PLPPR4: variants seen among roughly 807,000 people sequenced by gnomAD.
PLPPR4 encodes phospholipid phosphatase related 4.
Under a neutral mutation model 56.6 loss-of-function variants are expected in PLPPR4, and 24 were observed. That is an observed-to-expected ratio of 0.42 (90% CI 0.31 to 0.60). The LOEUF (loss-of-function observed/expected upper bound fraction) is 0.60. PLPPR4 is among the 20% of genes least tolerant of loss of function. PLPPR4 has a pLI of 0.13. For missense variants in PLPPR4, 654 were observed against 885.8 expected (o/e 0.74, Z 3.32); for synonymous variants, 326 against 328.1 (o/e 0.99, Z 0.07).
At position 99,301,876 on chromosome 1, in the gene PLPPR4, A is replaced by T; in HGVS notation, c.801A>T (p.Gly267=). ...PVDVYCGFLI[G]GGIALYLGLY... is the part of the protein sequence containing the mutation. ...ATGTCTATTGTGGCTTTTTAATAGG[A>T]GGAGGAATTGCACTGTACTTGGTAA... Residue 267 remains glycine (G), a synonymous_variant, in exon 6 of 7, where the codon GGA becomes GGT. Coordinates refer to ENST00000370185, the MANE Select transcript of PLPPR4 (RefSeq NM_014839.5). The T allele has an allele frequency of 6.2e-7, 1 of 1,611,128 alleles. No individual in the cohort carries two copies. Among genetic ancestry groups the T allele is most frequent in the Non-Finnish European group, 8.5e-7 (1 of 1,178,054 alleles).
chr1:99,291,139 C>G (rs1377353951), intron 2 of PLPPR4, among the ~76,000 whole-genome samples: 1 of 150,454 alleles, frequency 6.6e-6, no homozygotes, highest in East Asian at 1.9e-4. Flanking sequence ...CATGAACAGA[C>G]ACTTCTCAAA....
intron 1 of PLPPR4, among the ~76,000 whole-genome samples, chr1:99,277,651 C>T (rs1032005328): frequency 6.6e-6 from 1 of 152,008 alleles, no homozygotes; most frequent in Non-Finnish European, 1.5e-5. Context: ...ACTAAAGCTT[C>T]ATCATAAATT....
chr1:99,280,183 A>C (rs958852712), intron 1 of PLPPR4, among the ~76,000 whole-genome samples: 6 of 152,130 alleles, frequency 3.9e-5, no homozygotes, highest in Admixed American at 1.3e-4. Flanking sequence ...TGAGCAAAGA[A>C]TTTTGAGCAT....
intron 2 of PLPPR4, 62 bp from the exon 3 acceptor site, chr1:99,296,676 T>C: frequency 6.5e-6 from 9 of 1,387,796 alleles, no homozygotes; most frequent in Non-Finnish European, 8.8e-6. Flanking sequence ...AATTCCTTTA[T>C]ACCTGTTGGC....
intron 1 of PLPPR4, among the ~76,000 whole-genome samples, chr1:99,282,519 C>G (rs1454903375): frequency 6.6e-6 from 1 of 152,120 alleles, no homozygotes; most frequent in African/African-American, 2.4e-5. Flanking sequence ...GAGTTTTGAA[C>G]AGCCTTCTAA....
At chr1:99,276,693 A>G (rs983250194) in intron 1 of PLPPR4, among the ~76,000 whole-genome samples, 3 of 152,186 alleles carry the variant, frequency 2.0e-5, no homozygotes, top group African/African-American at 7.2e-5. Context: ...AGTTCAAGAT[A>G]GTTTAGTAAG....
At chr1:99,286,779 G>A (rs919686174) in intron 1 of PLPPR4, among the ~76,000 whole-genome samples, 2 of 152,148 alleles carry the variant, frequency 1.3e-5, no homozygotes, top group Non-Finnish European at 2.9e-5. Flanking sequence ...TGGTGAAAAC[G>A]TAGTACAAGA....
intron 1 of PLPPR4, among the ~76,000 whole-genome samples, chr1:99,274,906 C>T (rs920064800): frequency 2.0e-5 from 3 of 152,090 alleles, no homozygotes; most frequent in Non-Finnish European, 4.4e-5. Context: ...CTCAACTGAG[C>T]CATCTGTGAA....
intron 2 of PLPPR4, among the ~76,000 whole-genome samples, chr1:99,288,778 A>C (rs940040290): frequency 6.6e-6 from 1 of 152,282 alleles, no homozygotes; most frequent in African/African-American, 2.4e-5. Flanking sequence ...AAATGTTCCT[A>C]GCATAAAGAA....
intron 1 of PLPPR4, among the ~76,000 whole-genome samples, chr1:99,281,660 G>A (rs1396807687): frequency 1.3e-5 from 2 of 152,048 alleles, no homozygotes; most frequent in Non-Finnish European, 2.9e-5. Context: ...CCCTCACCAC[G>A]TGTGTGTTGA....
chr1:99,305,530 C>T (rs1309192960), intron 6 of PLPPR4, among the ~76,000 whole-genome samples, 155 bp from the exon 7 acceptor site: 1 of 152,158 alleles, frequency 6.6e-6, no homozygotes, highest in Non-Finnish European at 1.5e-5. Flanking sequence ...CAAAGTATTT[C>T]CCTGCAAAAA....
chr1:99,284,287 T>C (rs1259276471), intron 1 of PLPPR4, among the ~76,000 whole-genome samples: 1 of 152,186 alleles, frequency 6.6e-6, no homozygotes, highest in South Asian at 2.1e-4. Context: ...ATTCATTACA[T>C]TGGGTAGTAA....
intron 2 of PLPPR4, among the ~76,000 whole-genome samples, chr1:99,289,928 A>T (rs889911657): frequency 6.6e-6 from 1 of 152,126 alleles, no homozygotes; most frequent in Non-Finnish European, 1.5e-5. Flanking sequence ...CCTAGTATTA[A>T]ATTCTGGCCA....
Position 99,301,802 on chromosome 1 carries a change from A to G in PLPPR4, c.727A>G (p.Ile243Val). ...LLVFTFIICG[I>V]ICGLTRITQY... ...GGTCTTCACATTTATCATCTGTGGA[A>G]TAATCTGCGGGCTAACACGGATAAC... is the stretch of plus-strand genomic sequence containing the variant. The change falls in exon 6 of 7, where the codon ATA becomes GTA. Residue 243 changes from isoleucine (I) to valine (V), a missense_variant. Transcript: ENST00000370185. The G allele has an allele frequency of 1.2e-6, 2 of 1,612,754 alleles. No homozygotes were observed. The highest frequency in any genetic ancestry group is 2.2e-5 in the South Asian group (2 of 90,972).
chr1:99,267,966 T>C (rs1165630875), intron 1 of PLPPR4, among the ~76,000 whole-genome samples: 1 of 152,128 alleles, frequency 6.6e-6, no homozygotes, highest in African/African-American at 2.4e-5. Flanking sequence ...AAGAGGCCAT[T>C]ATTATCTGTG....
In PLPPR4 at chr1:99,305,296, A is replaced by G. The variant is rs1451479579; in HGVS notation, c.823-389A>G. Among the ~76,000 whole-genome samples, 4 of 152,328 alleles carry G rather than the reference A, an allele frequency of 2.6e-5. No individual in the cohort carries two copies. In the East Asian group the frequency reaches 7.7e-4, roughly 29 times the overall value. ...CATATGATTGAAAATGGAAGGTAAAATAAATCATTTAAGCCATTTGAGATG... is the reference window on the plus strand; with the variant it reads ...CATATGATTGAAAATGGAAGGTAAAGTAAATCATTTAAGCCATTTGAGATG... On this transcript the variant is annotated intron_variant, in intron 6 of 6. Transcript: ENST00000370185.
At chr1:99,270,335 A>G (rs928015571) in intron 1 of PLPPR4, among the ~76,000 whole-genome samples, 2 of 152,094 alleles carry the variant, frequency 1.3e-5, no homozygotes, top group African/African-American at 4.8e-5. Flanking sequence ...CTACTCAGAA[A>G]GTTTTCATTA....
chr1:99,266,371 C>T (rs1256552649), intron 1 of PLPPR4, among the ~76,000 whole-genome samples: 1 of 152,192 alleles, frequency 6.6e-6, no homozygotes, highest in Non-Finnish European at 1.5e-5. Context: ...AGGAAAATGC[C>T]CTCATGAAAG....
intron 1 of PLPPR4, among the ~76,000 whole-genome samples, chr1:99,269,394 A>T (rs1400478798): frequency 6.6e-6 from 1 of 152,242 alleles, no homozygotes; most frequent in African/African-American, 2.4e-5. Context: ...ATATGTGTAT[A>T]TGTGTCTTTA....
Sources: allele counts gnomAD v4.1 joint callset (sites outside exome capture counted in the v4.1 genomes callset), GRCh38; gene constraint gnomAD v4.1.1; transcripts MANE v1.5; gene names NCBI Gene and HGNC (gene_info 2026-07-23, HGNC 2026-07-21).